Variants in TMEM245 observed in about 807,000 individuals in gnomAD.
TMEM245 encodes protein CG-2.
Under a neutral mutation model 101.2 loss-of-function variants are expected in TMEM245, and 69 were observed. The observed-to-expected ratio is 0.68, with a 90% confidence interval of 0.56 to 0.83. The LOEUF (loss-of-function observed/expected upper bound fraction) is 0.83, where lower values mean the gene tolerates loss of function less well. Ranked by LOEUF, TMEM245 falls within the 40% of genes least tolerant of loss-of-function variation. The probability of loss-of-function intolerance (pLI) is 0.00; values close to 1 mark genes in which losing one functional copy is unlikely to be tolerated. For synonymous variants in TMEM245, 537 were observed against 449.8 expected (o/e 1.19, Z -2.45); for missense variants, 1,075 against 1,092.8 (o/e 0.98, Z 0.23).
chr9:109,016,523 A>C lies in TMEM245; in HGVS notation c.*3937T>G, dbSNP rs765157421. On this transcript the variant is annotated 3_prime_UTR_variant, in exon 18 of 18. Transcript: ENST00000374586. ...CCTATGAATTTGGGTCTTTCTCTAGAAAGTGACAGGACCACCTAATTTTAG... is the reference window on the plus strand; with the variant it reads ...CCTATGAATTTGGGTCTTTCTCTAGCAAGTGACAGGACCACCTAATTTTAG... The C allele has an allele frequency of 6.6e-6, 1 of 151,578 alleles. No individual in the cohort carries two copies. Among genetic ancestry groups the C allele is most frequent in the Non-Finnish European group, 1.5e-5 (1 of 67,834 alleles). The allele number at this position is 151,578 out of a possible 1,614,324, so 9.4% of individuals were successfully genotyped here.
intron 9 of TMEM245, among the ~76,000 whole-genome samples, chr9:109,071,160 C>G (rs1829319387): frequency 6.6e-6 from 1 of 151,902 alleles, no homozygotes; most frequent in Non-Finnish European, 1.5e-5. Context: ...GGATTACAGG[C>G]GTGAGCCACC....
intron 11 of TMEM245, among the ~76,000 whole-genome samples, chr9:109,058,605 T>C (rs1436570696): frequency 6.6e-6 from 1 of 152,104 alleles, no homozygotes; most frequent in Non-Finnish European, 1.5e-5. Flanking sequence ...ATGGTAGGAA[T>C]GTTGTCTTCT....
At chr9:109,111,693 G>A (rs1279743103) in intron 1 of TMEM245, among the ~76,000 whole-genome samples, 1 of 152,124 alleles carries the variant, frequency 6.6e-6, no homozygotes, top group Non-Finnish European at 1.5e-5. Flanking sequence ...TCATTTTATA[G>A]TGAACTGTTT....
intron 17 of TMEM245, among the ~76,000 whole-genome samples, chr9:109,032,139 T>C (rs929551984): frequency 8.5e-5 from 13 of 152,248 alleles, no homozygotes; most frequent in African/African-American, 2.9e-4. Flanking sequence ...TAAAGGACAT[T>C]CTTCTACAGA....
chr9:109,118,761 A>C (rs1388469252), intron 1 of TMEM245, among the ~76,000 whole-genome samples: 1 of 152,232 alleles, frequency 6.6e-6, no homozygotes, highest in East Asian at 1.9e-4. Context: ...CACAAATTAT[A>C]CAGGAATCAC....
intron 15 of TMEM245, among the ~76,000 whole-genome samples, chr9:109,037,417 C>A (rs1828163991): frequency 6.6e-6 from 1 of 152,148 alleles, no homozygotes; most frequent in African/African-American, 2.4e-5. Flanking sequence ...GATCTGTGTC[C>A]CCACCAAAAT....
chr9:109,034,511 A>C (rs995671923), intron 16 of TMEM245, among the ~76,000 whole-genome samples: 3 of 152,198 alleles, frequency 2.0e-5, no homozygotes, highest in South Asian at 2.1e-4. Context: ...CAGTGCCGCA[A>C]TCACAGCTTA....
At chr9:109,115,316 C>T (rs908208665) in intron 1 of TMEM245, among the ~76,000 whole-genome samples, 3 of 151,798 alleles carry the variant, frequency 2.0e-5, no homozygotes, top group African/African-American at 7.3e-5. Context: ...TGCACTCCAG[C>T]CTGGGCAACA....
intron 1 of TMEM245, among the ~76,000 whole-genome samples, 194 bp from the exon 2 acceptor site, chr9:109,108,764 T>G (rs990421132): frequency 6.6e-6 from 1 of 152,168 alleles, no homozygotes; most frequent in Non-Finnish European, 1.5e-5. Flanking sequence ...TACTAGGCAT[T>G]TGAAATCTCA....
At chr9:109,080,042 T>C (rs569437367) in intron 8 of TMEM245, among the ~76,000 whole-genome samples, 1 of 152,232 alleles carries the variant, frequency 6.6e-6, no homozygotes, top group South Asian at 2.1e-4. Context: ...GAGATGCCAC[T>C]GAAGAAATAG....
chr9:109,116,672 G>A (rs1483051199), intron 1 of TMEM245, among the ~76,000 whole-genome samples: 1 of 152,014 alleles, frequency 6.6e-6, no homozygotes, highest in Non-Finnish European at 1.5e-5. Flanking sequence ...GACCACAGGT[G>A]TGCGCCACCA....
At chr9:109,097,871 A>C (rs1435707631) in intron 3 of TMEM245, among the ~76,000 whole-genome samples, 2 of 152,244 alleles carry the variant, frequency 1.3e-5, no homozygotes, top group African/African-American at 4.8e-5. Flanking sequence ...CAGTGAGCCA[A>C]GATGGCACCA....
intron 3 of TMEM245, among the ~76,000 whole-genome samples, chr9:109,103,629 G>A (rs1039717773): frequency 2.6e-5 from 4 of 152,108 alleles, no homozygotes; most frequent in Admixed American, 2.6e-4. Flanking sequence ...GACAAACTAG[G>A]CACAGAAAGA....
intron 9 of TMEM245, among the ~76,000 whole-genome samples, chr9:109,070,266 T>G (rs77785848): frequency 6.6e-6 from 1 of 152,272 alleles, no homozygotes; most frequent in African/African-American, 2.4e-5. Context: ...CATACCTACA[T>G]AGTCAACAGC....
At chr9:109,098,227 A>C (rs1242509013) in intron 3 of TMEM245, among the ~76,000 whole-genome samples, 4 of 152,208 alleles carry the variant, frequency 2.6e-5, no homozygotes, top group Admixed American at 2.6e-4. Flanking sequence ...AAATCTTCAA[A>C]ACTGTGGCTT....
intron 17 of TMEM245, among the ~76,000 whole-genome samples, chr9:109,032,368 T>TTTTA (rs2132306880): frequency 3.9e-5 from 1 of 25,672 alleles, no homozygotes; most frequent in African/African-American, 2.4e-4. Context: ...TCTTTTCCTT[T>TTTTA]TTTTTTTTTT....
intron 14 of TMEM245, 103 bp downstream of exon 14, chr9:109,050,180 G>A (rs1048075119): frequency 1.7e-5 from 22 of 1,307,230 alleles, no homozygotes; most frequent in Admixed American, 1.5e-4. Context: ...AGTCCATCAC[G>A]AGTTTAGCAC....
intron 4 of TMEM245, among the ~76,000 whole-genome samples, chr9:109,091,559 A>C (rs1830008123): frequency 6.6e-6 from 1 of 152,248 alleles, no homozygotes; most frequent in Admixed American, 6.5e-5. Context: ...AGGTGTATTT[A>C]TATACATTTC....
At chr9:109,102,822 C>T (rs1033457113) in intron 3 of TMEM245, among the ~76,000 whole-genome samples, 1 of 152,180 alleles carries the variant, frequency 6.6e-6, no homozygotes, top group Admixed American at 6.5e-5. Context: ...AGTTTATTAT[C>T]GCCATCAGAA....
Sources: gnomAD v4.1 joint callset for allele counts (sites outside exome capture counted in the v4.1 genomes callset) on GRCh38, gnomAD v4.1.1 for gene constraint, MANE v1.5 for transcripts, NCBI Gene and HGNC (gene_info 2026-07-23, HGNC 2026-07-21) for gene names.